Variants in FAM47E observed in about 807,000 individuals in gnomAD.
The protein encoded by FAM47E is protein FAM47E.
FAM47E carries 32 observed loss-of-function variants against 41.6 expected under a neutral mutation model. That is an observed-to-expected ratio of 0.77 (90% confidence interval 0.58 to 1.03). FAM47E has a LOEUF of 1.03. Ranked by LOEUF, FAM47E falls within the 50% of genes least tolerant of loss-of-function variation. The pLI is 0.00. For missense variants in FAM47E, 424 were observed against 485.4 expected, an observed-to-expected ratio of 0.87 and a Z score of 1.19; for synonymous variants, 184 against 188.7, an observed-to-expected ratio of 0.98 and a Z score of 0.20.
chr4:76,265,194 G>GTAA (rs2110014067), intron 3 of FAM47E, among the ~76,000 whole-genome samples: 1 of 152,340 alleles, frequency 6.6e-6, no homozygotes, highest in Non-Finnish European at 1.5e-5. Flanking sequence ...TGTAGGAAGG[G>GTAA]TAACTGGACG....
At chr4:76,274,017 A>G (rs1206387354) in intron 5 of FAM47E, among the ~76,000 whole-genome samples, 1 of 152,168 alleles carries the variant, frequency 6.6e-6, no homozygotes, top group African/African-American at 2.4e-5. Flanking sequence ...ACATAGTTAT[A>G]ACAATTGCTG....
intron 2 of FAM47E, among the ~76,000 whole-genome samples, chr4:76,220,156 G>C (rs1733283447): frequency 6.6e-6 from 1 of 152,006 alleles, no homozygotes. Flanking sequence ...TCTCTTCCTA[G>C]GTATATAACC....
intron 2 of FAM47E, among the ~76,000 whole-genome samples, chr4:76,259,034 G>A (rs969935805): frequency 7.9e-5 from 12 of 151,794 alleles, no homozygotes; most frequent in African/African-American, 2.9e-4. Context: ...ATTAGTATGT[G>A]AGTCTGAGTG....
intron 3 of FAM47E, chr4:76,268,252 C>T (rs550891548): frequency 1.5e-4 from 26 of 177,650 alleles, no homozygotes; most frequent in Admixed American, 3.8e-4. Flanking sequence ...GAGACAGTTA[C>T]AATCTGCCAG....
intron 6 of FAM47E, chr4:76,279,331 T>C (rs2110028949): frequency 6.6e-6 from 1 of 152,336 alleles, no homozygotes; most frequent in Admixed American, 6.5e-5. Flanking sequence ...CTACAAACTT[T>C]TGCTTTAAGG....
chr4:76,218,083 T>TA (rs1393323535), intron 2 of FAM47E, among the ~76,000 whole-genome samples: 2 of 152,174 alleles, frequency 1.3e-5, no homozygotes, highest in African/African-American at 2.4e-5. Flanking sequence ...ATCCCAGCAT[T>TA]TTGGGAAGCC....
At chr4:76,247,908 CTCTTTTT>C (rs1404900994), upstream of FAM47E, among the ~76,000 whole-genome samples, 1 of 66,400 alleles carries the variant, frequency 1.5e-5, no homozygotes, top group Non-Finnish European at 3.6e-5. Flanking sequence ...TTCACTCTCT[CTCTTTTT>C]TTTTTTTTTT....
intron 2 of FAM47E, among the ~76,000 whole-genome samples, chr4:76,261,919 C>G (rs1183864983): frequency 6.6e-6 from 1 of 152,120 alleles, no homozygotes; most frequent in Non-Finnish European, 1.5e-5. Flanking sequence ...CTTACAGCTG[C>G]TGAAATTCCA....
chr4:76,222,337 G>A (rs1387985551), intron 2 of FAM47E, among the ~76,000 whole-genome samples: 1 of 151,392 alleles, frequency 6.6e-6, no homozygotes, highest in East Asian at 1.9e-4. Context: ...AGCAATCCTC[G>A]TGCCTTGGCC....
chr4:76,251,552 C>G (rs548747651), upstream of FAM47E: 3 of 1,146,334 alleles, frequency 2.6e-6, no homozygotes, highest in East Asian at 9.7e-5. Context: ...GGACCGGTAC[C>G]CTCTCCCTTC....
At chr4:76,214,929 G>A (rs920564789) in intron 1 of FAM47E, among the ~76,000 whole-genome samples, 2 of 152,188 alleles carry the variant, frequency 1.3e-5, no homozygotes, top group African/African-American at 4.8e-5. Context: ...AGGAAGGAAG[G>A]TTGGGTGGAA....
intron 2 of FAM47E, among the ~76,000 whole-genome samples, chr4:76,245,042 C>A (rs1462663557): frequency 2.6e-5 from 4 of 152,126 alleles, no homozygotes; most frequent in African/African-American, 9.7e-5. Context: ...ATTATCCATC[C>A]ATTTTATCCA....
intron 5 of FAM47E, among the ~76,000 whole-genome samples, chr4:76,276,037 G>GACAGACAGACAGACAC (rs1553957135): frequency 1.6e-5 from 1 of 62,348 alleles, no homozygotes; most frequent in African/African-American, 6.5e-5. Context: ...CAGACAGACA[G>GACAGACAGACAGACAC]ACACACACAC....
At chr4:76,259,899 T>C (rs1287864808) in intron 2 of FAM47E, among the ~76,000 whole-genome samples, 1 of 152,176 alleles carries the variant, frequency 6.6e-6, no homozygotes, top group Admixed American at 6.5e-5. Context: ...CAAAAATCAG[T>C]TGTGTCTCTA....
chr4:76,238,559 T>C (rs1441921), intron 2 of FAM47E, among the ~76,000 whole-genome samples: 112,880 of 151,890 alleles, frequency 0.74, 42,662 homozygotes, highest in East Asian at 0.82. Context: ...CAGGTAAAGG[T>C]AACTATGAGT....
intron 1 of FAM47E, among the ~76,000 whole-genome samples, chr4:76,253,628 A>G (rs1388565757): frequency 6.6e-6 from 1 of 152,024 alleles, no homozygotes; most frequent in East Asian, 1.9e-4. Flanking sequence ...CTTGGAACTT[A>G]GTTTCCTTAT....
chr4:76,260,093 G>A (rs1360259781), intron 2 of FAM47E, among the ~76,000 whole-genome samples: 1 of 152,136 alleles, frequency 6.6e-6, no homozygotes, highest in African/African-American at 2.4e-5. Flanking sequence ...AACATTCCAT[G>A]TTCATGTAAA....
upstream of FAM47E, among the ~76,000 whole-genome samples, chr4:76,247,907 TC>T (rs1733862058): frequency 8.7e-6 from 1 of 115,374 alleles, no homozygotes; most frequent in South Asian, 3.5e-4. Flanking sequence ...TTTCACTCTC[TC>T]TCTTTTTTTT....
intron 2 of FAM47E, among the ~76,000 whole-genome samples, chr4:76,219,849 G>A (rs1733278653): frequency 6.6e-6 from 1 of 152,124 alleles, no homozygotes; most frequent in African/African-American, 2.4e-5. Context: ...CATATCCTGA[G>A]AGTCTGAAAT....
Sources: allele counts gnomAD v4.1 joint callset (sites outside exome capture counted in the v4.1 genomes callset), GRCh38; gene constraint gnomAD v4.1.1; transcripts MANE v1.5; gene names NCBI Gene and HGNC (gene_info 2026-07-23, HGNC 2026-07-21).